Variants in CNTNAP2 observed in about 807,000 individuals in gnomAD.
CNTNAP2 encodes contactin-associated protein-like 2.
CNTNAP2 carries 98 observed loss-of-function variants against 155.2 expected under a neutral mutation model. The ratio of observed to expected loss-of-function variants is 0.63; its 90% CI spans 0.54 to 0.75. The LOEUF (loss-of-function observed/expected upper bound fraction) is 0.75. Among genes scored for constraint, CNTNAP2 ranks in the 30% least tolerant of loss-of-function variants. The pLI, the probability that CNTNAP2 is intolerant of heterozygous loss-of-function variation, is 0.00. For synonymous variants in CNTNAP2, 651 were observed against 631.2 expected (o/e 1.03, Z -0.47); for missense variants, 1,727 against 1,688.1 (o/e 1.02, Z -0.40).
chr7:146,902,941 C>G (rs1254822163), intron 3 of CNTNAP2, among the ~76,000 whole-genome samples: 6 of 152,224 alleles, frequency 3.9e-5, no homozygotes, highest in Non-Finnish European at 8.8e-5. Context: ...TCTAACCACA[C>G]TGACTCAGTG....
chr7:146,429,359 T>A (rs1584921401), intron 1 of CNTNAP2, among the ~76,000 whole-genome samples: 1 of 152,204 alleles, frequency 6.6e-6, no homozygotes, highest in Non-Finnish European at 1.5e-5. Context: ...TTCCTATTCA[T>A]GAGCATGAAG....
rs1276307648 is a variant in CNTNAP2 at position 146,275,542 on chromosome 7, C to T, written c.97+158569C>T. 1.1e-4 allele frequency among the ~76,000 whole-genome samples: 17 copies of T among 152,110 alleles called. No homozygotes were observed. In the South Asian group the frequency reaches 2.3e-3, roughly 20 times the overall value. On this transcript the variant is annotated intron_variant, in intron 1 of 23. Transcript: ENST00000361727. ...CTGTATTTCTGTAAATGATTATTTC[C>T]AAAGCTGAAGATCAAAGTAAACCCA... is the stretch of plus-strand genomic sequence containing the variant.
At chr7:146,350,680 T>G (rs968600485) in intron 1 of CNTNAP2, among the ~76,000 whole-genome samples, 1 of 152,132 alleles carries the variant, frequency 6.6e-6, no homozygotes, top group Non-Finnish European at 1.5e-5. Context: ...CATTACTGGT[T>G]ATATACCCAA....
chr7:147,537,678 C>T (rs916824836), intron 11 of CNTNAP2, among the ~76,000 whole-genome samples: 7 of 152,122 alleles, frequency 4.6e-5, no homozygotes, highest in Non-Finnish European at 8.8e-5. Context: ...GTGGACTTTT[C>T]AGCCCATTAA....
At chr7:147,094,828 C>T (rs1800492753) in intron 4 of CNTNAP2, among the ~76,000 whole-genome samples, 1 of 151,948 alleles carries the variant, frequency 6.6e-6, no homozygotes, top group Non-Finnish European at 1.5e-5. Flanking sequence ...GTTTGGCCTG[C>T]TATAACAGAA....
chr7:147,785,154 A>G (rs764568725), intron 13 of CNTNAP2, among the ~76,000 whole-genome samples: 4 of 152,174 alleles, frequency 2.6e-5, no homozygotes, highest in South Asian at 2.1e-4. Flanking sequence ...GAGGTTGTCT[A>G]TGTACAGTTG....
At chr7:146,151,680 ATG>A (rs1429138795) in intron 1 of CNTNAP2, among the ~76,000 whole-genome samples, 5,675 of 34,692 alleles carry the variant, frequency 0.16, 477 homozygotes, top group Non-Finnish European at 0.2. Flanking sequence ...ATATATATAT[ATG>A]TATATATATA....
Position 147,755,431 on chromosome 7 carries a change from G to A in CNTNAP2, c.2098+116125G>A, listed in dbSNP as rs183413743. 2.2e-3 allele frequency among the ~76,000 whole-genome samples: 329 copies of A among 152,310 alleles called. 3 individuals carry two copies. Among genetic ancestry groups the A allele is most frequent in the African/African-American group, 7.5e-3 (311 of 41,572 alleles). ...GCACTTTGGGATGCCAAGGCAGGCG[G>A]ATCACTTGAAGCCAGGAGTTTGAGA... On this transcript the variant is annotated intron_variant, in intron 13 of 23. Coordinates refer to ENST00000361727, the MANE Select transcript of CNTNAP2 (RefSeq NM_014141.6).
At chr7:147,153,895 TAGA>T (rs994825374) in intron 8 of CNTNAP2, among the ~76,000 whole-genome samples, 9 of 152,238 alleles carry the variant, frequency 5.9e-5, no homozygotes, top group South Asian at 2.1e-4. Context: ...TGTGTGGTAG[TAGA>T]AGAAGAGTTG....
chr7:147,374,775 T>C (rs937683687), intron 9 of CNTNAP2, among the ~76,000 whole-genome samples: 1 of 152,022 alleles, frequency 6.6e-6, no homozygotes, highest in East Asian at 1.9e-4. Context: ...CTTTTCCTGG[T>C]GTTGCCTTAA....
intron 13 of CNTNAP2, among the ~76,000 whole-genome samples, chr7:147,714,013 G>T (rs1037660490): frequency 2.6e-5 from 4 of 152,058 alleles, no homozygotes; most frequent in African/African-American, 4.8e-5. Context: ...CATGCCATTT[G>T]CATCCCATTA....
At chr7:147,309,884 A>G (rs1239868296) in intron 9 of CNTNAP2, among the ~76,000 whole-genome samples, 2 of 152,242 alleles carry the variant, frequency 1.3e-5, no homozygotes, top group African/African-American at 2.4e-5. Context: ...ATACAAAAAA[A>G]TTTTTAAGCC....
chr7:146,678,537 A>C (rs181100104), intron 1 of CNTNAP2, among the ~76,000 whole-genome samples: 1 of 152,252 alleles, frequency 6.6e-6, no homozygotes, highest in African/African-American at 2.4e-5. Flanking sequence ...GAAAATTTGC[A>C]TATATAATTT....
intron 10 of CNTNAP2, among the ~76,000 whole-genome samples, chr7:147,410,711 A>G (rs975645145): frequency 6.6e-6 from 1 of 150,878 alleles, no homozygotes; most frequent in African/African-American, 2.4e-5. Context: ...ATGTTAGTGT[A>G]AAATGCACAA....
At chr7:146,579,618 A>C (rs1798579712) in intron 1 of CNTNAP2, among the ~76,000 whole-genome samples, 3 of 152,050 alleles carry the variant, frequency 2.0e-5, no homozygotes, top group African/African-American at 7.2e-5. Context: ...CTAGAGACTC[A>C]CTCATTGAAA....
chr7:147,174,187 A>G (rs1375221565), intron 8 of CNTNAP2, among the ~76,000 whole-genome samples: 2 of 152,042 alleles, frequency 1.3e-5, no homozygotes, highest in African/African-American at 4.8e-5. Context: ...ATTTTTTAAA[A>G]CTTTCATTTT....
chr7:146,865,884 A>G (rs1406772559), intron 3 of CNTNAP2, among the ~76,000 whole-genome samples: 1 of 152,186 alleles, frequency 6.6e-6, no homozygotes. Context: ...AAAGCCTTGT[A>G]TACAGAAACA....
chr7:146,168,747 A>G (rs1190801471), intron 1 of CNTNAP2, among the ~76,000 whole-genome samples: 4 of 152,134 alleles, frequency 2.6e-5, no homozygotes, highest in Non-Finnish European at 4.4e-5. Context: ...GACCTACCCA[A>G]TGGTTTACCA....
intron 1 of CNTNAP2, among the ~76,000 whole-genome samples, chr7:146,357,468 G>GTAGCTTATAGATTACATCTTAA (rs1795016274): frequency 6.6e-6 from 1 of 151,938 alleles, no homozygotes; most frequent in Non-Finnish European, 1.5e-5. Flanking sequence ...CTATATGAGT[G>GTAGCTTATAGATTACATCTTAA]TAGCTTATAG....
Sources: gnomAD v4.1 joint callset for allele counts (sites outside exome capture counted in the v4.1 genomes callset) on GRCh38, gnomAD v4.1.1 for gene constraint, MANE v1.5 for transcripts, NCBI Gene and HGNC (gene_info 2026-07-23, HGNC 2026-07-21) for gene names.